The following DISP1 variants were observed in gnomAD, a reference collection of about 807,000 sequenced individuals.
The protein encoded by DISP1 is dispatched RND transporter family member 1, also known as protein dispatched homolog 1.
Under a neutral mutation model 37.3 loss-of-function variants are expected in DISP1, and 30 were observed. That is an observed-to-expected ratio of 0.80 (90% CI 0.60 to 1.09). DISP1 has a LOEUF of 1.09. DISP1 is among the 50% of genes least tolerant of loss of function. The pLI is 0.00. For synonymous variants in DISP1, 634 were observed against 690.2 expected, an observed-to-expected ratio of 0.92 and a Z score of 1.28; for missense variants, 1,598 against 1,879.5, an observed-to-expected ratio of 0.85 and a Z score of 2.77.
chr1:223,003,043 T>C lies in DISP1; in HGVS notation c.1646T>C (p.Val549Ala), dbSNP rs956180928. The C allele has an allele frequency of 6.2e-7, 1 of 1,614,170 alleles. No homozygotes were observed. Among genetic ancestry groups the C allele is most frequent in the Middle Eastern group, 1.6e-4 (1 of 6,062 alleles). ...GTTTCCTATTTTCTCTATCGTGTAGTATTTCACTTCGAATTTTTTCCTTTT... is the reference window on the plus strand; with the variant it reads ...GTTTCCTATTTTCTCTATCGTGTAGCATTTCACTTCGAATTTTTTCCTTTT... ...LIVSYFLYRVVFHFEFFPFMN... is the reference protein window; with the variant it reads ...LIVSYFLYRVAFHFEFFPFMN... The change falls in exon 9 of 9, where the codon GTA (valine) becomes GCA (alanine). Residue 549 changes from valine (V) to alanine (A), a missense_variant. Val to Ala is a moderately conservative substitution (Grantham distance 64). Coordinates refer to ENST00000675850, the MANE Select transcript of DISP1 (RefSeq NM_001377229.1). This position sits in a 1 kb window ranked among gnomAD's most constrained non-coding sequence, Gnocchi z 4.3.
chr1:222,947,535 C>T (rs1170513777), intron 3 of DISP1, among the ~76,000 whole-genome samples: 2 of 152,016 alleles, frequency 1.3e-5, no homozygotes, highest in Admixed American at 6.6e-5. Flanking sequence ...CTGTTCAAGT[C>T]CCTGCTTTCA....
intron 1 of DISP1, among the ~76,000 whole-genome samples, chr1:222,912,363 A>G (rs1484835830): frequency 6.6e-6 from 1 of 152,144 alleles, no homozygotes; most frequent in East Asian, 1.9e-4. Context: ...TAAAGCACCT[A>G]CTTTTTCTTC....
intron 1 of DISP1, among the ~76,000 whole-genome samples, chr1:222,873,349 G>A (rs1192452495): frequency 6.6e-6 from 1 of 152,118 alleles, no homozygotes; most frequent in Admixed American, 6.5e-5. Context: ...CTGTCTTGTT[G>A]ATCTATCTAA....
intron 8 of DISP1, among the ~76,000 whole-genome samples, chr1:222,998,621 T>C (rs1235579020): frequency 1.3e-5 from 2 of 152,158 alleles, no homozygotes; most frequent in Non-Finnish European, 2.9e-5. Context: ...TCATTGCCTC[T>C]TTCTGCCCTT....
intron 8 of DISP1, among the ~76,000 whole-genome samples, chr1:222,998,235 C>T (rs1679207942): frequency 6.6e-6 from 1 of 151,420 alleles, no homozygotes; most frequent in South Asian, 2.1e-4. Context: ...AGTTGTTCCT[C>T]TCCCCAGCCC....
chr1:222,894,704 A>G (rs1037317859), intron 1 of DISP1, among the ~76,000 whole-genome samples: 17 of 152,120 alleles, frequency 1.1e-4, no homozygotes, highest in African/African-American at 1.4e-4. Flanking sequence ...TGCTTTGCCA[A>G]TTCGGAAATG....
At chr1:222,994,433 C>A (rs1421249607) in intron 7 of DISP1, among the ~76,000 whole-genome samples, 1 of 152,136 alleles carries the variant, frequency 6.6e-6, no homozygotes, top group East Asian at 1.9e-4. Flanking sequence ...CTGTTTTTAG[C>A]GATTTTAAAT....
intron 3 of DISP1, among the ~76,000 whole-genome samples, chr1:222,958,667 G>C (rs1014445108): frequency 6.6e-6 from 1 of 152,042 alleles, no homozygotes; most frequent in Admixed American, 6.6e-5. Flanking sequence ...GTTAAACTAA[G>C]AGATTCTGTT....
At chr1:222,852,843 A>C (rs182973671) in intron 1 of DISP1, among the ~76,000 whole-genome samples, 1 of 152,190 alleles carries the variant, frequency 6.6e-6, no homozygotes, top group African/African-American at 2.4e-5. Context: ...TGTAGAACAT[A>C]GATAATACAA....
At chr1:222,852,210 GA>G (rs1011684750) in intron 1 of DISP1, among the ~76,000 whole-genome samples, 16 of 147,236 alleles carry the variant, frequency 1.1e-4, no homozygotes, top group Non-Finnish European at 2.2e-4. Context: ...TAAATTTACT[GA>G]AAAAAAATTC....
intron 1 of DISP1, among the ~76,000 whole-genome samples, chr1:222,868,473 C>T (rs35597626): frequency 0.11 from 17,362 of 151,730 alleles, 1,363 homozygotes; most frequent in South Asian, 0.16. Context: ...TGTTTGGGAG[C>T]GGAATTATTC....
chr1:222,936,822 A>ATAT (rs367860842), intron 2 of DISP1, among the ~76,000 whole-genome samples: 16,030 of 41,044 alleles, frequency 0.39, 3,366 homozygotes, highest in South Asian at 0.52. Context: ...ATTATATATA[A>ATAT]TATATATAAA....
At chr1:222,881,404 A>C (rs984803214) in intron 1 of DISP1, among the ~76,000 whole-genome samples, 3 of 152,146 alleles carry the variant, frequency 2.0e-5, no homozygotes, top group African/African-American at 7.2e-5. Context: ...CATGTTGGTC[A>C]GGCTGGTCTG....
chr1:222,871,403 T>C (rs977115203), intron 1 of DISP1, among the ~76,000 whole-genome samples: 5 of 152,318 alleles, frequency 3.3e-5, no homozygotes, highest in Admixed American at 6.5e-5. Flanking sequence ...TTTCACGATA[T>C]TGATTCTTCC....
At chr1:222,990,016 A>G (rs1678578193) in intron 4 of DISP1, among the ~76,000 whole-genome samples, 1 of 151,982 alleles carries the variant, frequency 6.6e-6, no homozygotes, top group African/African-American at 2.4e-5. Context: ...GTTAGTCAGG[A>G]TGGTCTCGAA....
intron 1 of DISP1, among the ~76,000 whole-genome samples, chr1:222,886,339 T>G (rs1670601757): frequency 6.6e-6 from 1 of 152,242 alleles, no homozygotes; most frequent in South Asian, 2.1e-4. Context: ...CCTGTTAGTT[T>G]GCACTAGTTT....
chr1:222,986,188 G>A (rs957471095), intron 4 of DISP1, among the ~76,000 whole-genome samples: 4 of 151,978 alleles, frequency 2.6e-5, no homozygotes, highest in Admixed American at 1.3e-4. Context: ...TCCGGTGGTC[G>A]GTGAGGAAAA....
Position 222,943,239 on chromosome 1 carries a change from G to A in DISP1, c.416G>A (p.Cys139Tyr). 6.2e-7 allele frequency: 1 copy of A among 1,613,244 alleles called. No homozygotes were observed. Among genetic ancestry groups the A allele is most frequent in the Admixed American group, 1.7e-5 (1 of 59,992 alleles). ...CATTCACCTGTGTATCAGACTACGT[G>A]CTGTCTTCAGCCCTCTCCATCCTTC... is the stretch of plus-strand genomic sequence containing the variant. ...PNHSPVYQTT[C>Y]CLQPSPSFCL... The change falls in exon 3 of 9, where the codon TGC becomes TAC. Residue 139 changes from cysteine to tyrosine, a missense_variant. Cys to Tyr is a radical substitution (Grantham distance 194, BLOSUM62 -2). Coordinates refer to ENST00000675850, the MANE Select transcript of DISP1 (RefSeq NM_001377229.1).
chr1:222,994,720 T>C lies in DISP1; in HGVS notation c.890-165T>C, dbSNP rs141558865. 8.8e-3 allele frequency among the ~76,000 whole-genome samples: 1,347 copies of C among 152,312 alleles called. 22 individuals carry two copies. Among genetic ancestry groups the C allele is most frequent in the African/African-American group, 0.031 (1,271 of 41,564 alleles). ...AATATTATGGCATTGCTTTTTTTTT[T>C]CTTTTAACATTTTCTCCTGGAATTT... On this transcript the variant is annotated intron_variant, in intron 7 of 8. Coordinates refer to ENST00000675850, the MANE Select transcript of DISP1 (RefSeq NM_001377229.1).
Sources: gnomAD v4.1 joint callset for allele counts (sites outside exome capture counted in the v4.1 genomes callset) on GRCh38, gnomAD v4.1.1 for gene constraint, Gnocchi (gnomAD v3.1) non-coding constraint, MANE v1.5 for transcripts, NCBI Gene and HGNC (gene_info 2026-07-23, HGNC 2026-07-21) for gene names.